CDKN1A: variants seen among roughly 807,000 people sequenced by gnomAD.
The protein encoded by CDKN1A is cyclin dependent kinase inhibitor 1A.
CDKN1A carries 14 observed loss-of-function variants against 14.8 expected under a neutral mutation model. The ratio of observed to expected loss-of-function variants is 0.94; its 90% confidence interval spans 0.62 to 1.48. The LOEUF is 1.48. Among genes scored for constraint, CDKN1A ranks in the 40% most tolerant of loss-of-function variants. The pLI is 0.00. For missense variants in CDKN1A, 203 were observed against 231.7 expected (o/e 0.88, Z 0.80); for synonymous variants, 92 against 93.5 (o/e 0.98, Z 0.09).
At chr6:36,681,321 T>TTTCCTTCC (rs1562038144) in intron 1 of CDKN1A, among the ~76,000 whole-genome samples, 2 of 129,022 alleles carry the variant, frequency 1.6e-5, no homozygotes, top group African/African-American at 5.8e-5. Context: ...TCTTTCTTTC[T>TTTCCTTCC]TTCTTTCTTT....
chr6:36,680,283 C>G (rs1398064707), intron 1 of CDKN1A, among the ~76,000 whole-genome samples: 1 of 138,038 alleles, frequency 7.2e-6, no homozygotes, highest in Non-Finnish European at 1.6e-5. Flanking sequence ...TCCCGGCGCG[C>G]GCGCGCGTGC....
At chr6:36,676,919 T>C (rs1463354886), upstream of CDKN1A, among the ~76,000 whole-genome samples, 1 of 152,166 alleles carries the variant, frequency 6.6e-6, no homozygotes, top group African/African-American at 2.4e-5. Context: ...AATTATTTCA[T>C]TGTGAAGCTC....
chr6:36,680,241 T>C (rs1451124184), intron 1 of CDKN1A, among the ~76,000 whole-genome samples: 1 of 151,870 alleles, frequency 6.6e-6, no homozygotes, highest in Non-Finnish European at 1.5e-5. Flanking sequence ...CATCCCGTGC[T>C]TTGGGCGTGG....
At chr6:36,679,667 C>T (rs1317884156) in intron 1 of CDKN1A, among the ~76,000 whole-genome samples, 2 of 152,160 alleles carry the variant, frequency 1.3e-5, no homozygotes, top group East Asian at 3.9e-4. Flanking sequence ...CTGTAGGGGT[C>T]GGGGAGTCAC....
rs1761954578 is a variant in CDKN1A, at chr6:36,681,313, T to TTTCTTTCTTTCTTTCC, written c.-6+2530_-6+2531insCTTCTTTCTTTCTTTC. ...CTTTCTTTCTTTCTTTCTTTCTTTC[T>TTTCTTTCTTTCTTTCC]TTCTTTCTTTCTTTCTTTCTTTTTC... On this transcript the variant is annotated intron_variant, in intron 1 of 2. Coordinates refer to ENST00000244741, the MANE Select transcript of CDKN1A (RefSeq NM_000389.5). 3.2e-5 allele frequency among the ~76,000 whole-genome samples: 4 copies of TTTCTTTCTTTCTTTCC among 126,136 alleles called. No individual in the cohort carries two copies. The Admixed American group carries it at 3.2e-4, about 10-fold the overall frequency. The allele number at this position is 126,136 out of a possible 152,430, so 82.8% of individuals were successfully genotyped here. A position where few individuals can be genotyped will look rare whatever the true frequency, so the allele number is the denominator to read the frequency against.
In CDKN1A at chr6:36,684,953, TC is replaced by T. The variant is rs1482725132; in HGVS notation, c.445+409del. Among the ~76,000 whole-genome samples, 1 of 152,176 alleles carries T rather than the reference TC, an allele frequency of 6.6e-6. No homozygotes were observed. Among genetic ancestry groups the T allele is most frequent in the African/African-American group, 2.4e-5 (1 of 41,428 alleles). On this transcript the variant is annotated intron_variant, in intron 2 of 2. Transcript: ENST00000244741. This position sits in a 1 kb window ranked among gnomAD's most constrained non-coding sequence, Gnocchi z 6.0. ...CTCAAGCGATCTTCCTACCTCAGCC[TC>T]CTGGGTAGCTGGGAAGCTGGGACTA...
chr6:36,684,660 G>A lies in CDKN1A; in HGVS notation c.445+114G>A. On this transcript the variant is annotated intron_variant, in intron 2 of 2. Transcript: ENST00000244741. The surrounding 1 kb of genome is among the most constrained non-coding windows in gnomAD (Gnocchi z 6.0). ...GCATGCTCCAGGTAGAAGGAAACAGGCCCAGAGAGGGGAAGCAACCTCCCT... is the reference window on the plus strand; with the variant it reads ...GCATGCTCCAGGTAGAAGGAAACAGACCCAGAGAGGGGAAGCAACCTCCCT... 1 of 1,070,596 alleles carries A rather than the reference G, an allele frequency of 9.3e-7. No homozygotes were observed. Among genetic ancestry groups the A allele is most frequent in the South Asian group, 1.3e-5 (1 of 75,502 alleles). The allele number at this position is 1,070,596 out of a possible 1,614,324, so 66.3% of individuals were successfully genotyped here.
intron 1 of CDKN1A, among the ~76,000 whole-genome samples, chr6:36,680,180 C>T (rs563733227): frequency 6.6e-6 from 1 of 152,146 alleles, no homozygotes; most frequent in South Asian, 2.1e-4. Context: ...GACTTGCGAG[C>T]GGTTTTGTTT....
upstream of CDKN1A, chr6:36,677,525 CA>C: frequency 4.0e-6 from 1 of 248,444 alleles, no homozygotes; most frequent in Non-Finnish European, 8.0e-6. Flanking sequence ...AGGTGAAGTC[CA>C]GGGGAGGTCA....
chr6:36,678,841 G>A lies in CDKN1A; in HGVS notation c.-6+43G>A. On this transcript the variant is annotated intron_variant, in intron 1 of 2. Transcript: ENST00000244741. The surrounding 1 kb of genome is among the most constrained non-coding windows in gnomAD (Gnocchi z 5.7). ...GACAACAGGGGACCCCGGGCCGGCG[G>A]CCCAGAGCCGAGCCAAGCGTGCCCG... is the stretch of plus-strand genomic sequence containing the variant. The A allele has an allele frequency of 1.0e-6, 1 of 985,750 alleles. No homozygotes were observed. Among genetic ancestry groups the A allele is most frequent in the Non-Finnish European group, 1.2e-6 (1 of 830,158 alleles). 61.1% of individuals were successfully genotyped at this position (985,750 alleles called of 1,614,324 possible). A position where few individuals can be genotyped will look rare whatever the true frequency, so the allele number is the denominator to read the frequency against.
upstream of CDKN1A, chr6:36,677,928 G>C: frequency 7.5e-7 from 1 of 1,329,468 alleles, no homozygotes; most frequent in Non-Finnish European, 9.9e-7. Flanking sequence ...GATTTCTTCT[G>C]TTCAGGTGAG....
chr6:36,684,494 AGGTGGACCT>A lies in CDKN1A; in HGVS notation c.396_404del (p.Gly133_Gly135del). 1 of 1,614,198 alleles carries A rather than the reference AGGTGGACCT, an allele frequency of 6.2e-7. No individual in the cohort carries two copies. The highest frequency in any genetic ancestry group is 8.5e-7 in the Non-Finnish European group (1 of 1,180,020). On this transcript the variant is annotated inframe_deletion, in exon 2 of 3. Coordinates refer to ENST00000244741, the MANE Select transcript of CDKN1A (RefSeq NM_000389.5). The surrounding 1 kb of genome is among the most constrained non-coding windows in gnomAD (Gnocchi z 6.0). ...CAGGGGAGCAGGCTGAAGGGTCCCCAGGTGGACCTGGAGACTCTCAGGGTCGAAAACGGC... is the reference window on the plus strand; with the variant it reads ...CAGGGGAGCAGGCTGAAGGGTCCCCAGGAGACTCTCAGGGTCGAAAACGGC...
At chr6:36,682,304 A>G (rs1379981319) in intron 1 of CDKN1A, among the ~76,000 whole-genome samples, 2 of 152,262 alleles carry the variant, frequency 1.3e-5, no homozygotes, top group African/African-American at 2.4e-5. Context: ...CAGCCCCCAA[A>G]CATAAAAATA....
rs1424226774 is a variant in CDKN1A, at chr6:36,684,921, T to A, written c.445+375T>A. Among the ~76,000 whole-genome samples the A allele has an allele frequency of 6.6e-6, 1 of 152,168 alleles. No individual in the cohort carries two copies. The highest frequency in any genetic ancestry group is 1.9e-4 in the East Asian group (1 of 5,202). ...ATCATGGCTCACTGCAGCTTCAAAC[T>A]CCTGGGCTCAAGCGATCTTCCTACC... On this transcript the variant is annotated intron_variant, in intron 2 of 2. Transcript: ENST00000244741. This position sits in a 1 kb window ranked among gnomAD's most constrained non-coding sequence, Gnocchi z 6.0.
intron 1 of CDKN1A, among the ~76,000 whole-genome samples, chr6:36,680,299 T>C (rs1761876532): frequency 7.2e-6 from 1 of 138,864 alleles, no homozygotes; most frequent in Non-Finnish European, 1.6e-5. Flanking sequence ...CGTGCGTGTC[T>C]GCGCGGGCGT....
At chr6:36,681,353 T>TC (rs1761972127) in intron 1 of CDKN1A, among the ~76,000 whole-genome samples, 2 of 90,834 alleles carry the variant, frequency 2.2e-5, no homozygotes, top group South Asian at 8.2e-4. Context: ...TTTCTTTCTT[T>TC]TTCTTTCTTT....
rs1178582184 is a variant in CDKN1A at position 36,686,849 on chromosome 6, G to T, written c.*1049G>T. The stretch of plus-strand genomic sequence containing the variant: ...TGAGTGGGGTTATCTCTGTGTTAGG[G>T]GTATATGATGGGGGAGTAGATCTTT... On this transcript the variant is annotated 3_prime_UTR_variant, in exon 3 of 3. Transcript: ENST00000244741. The surrounding 1 kb of genome is among the most constrained non-coding windows in gnomAD (Gnocchi z 4.9). The T allele has an allele frequency of 4.3e-6, 1 of 233,640 alleles. No individual in the cohort carries two copies. The highest frequency in any genetic ancestry group is 6.0e-5 in the East Asian group (1 of 16,606). The allele number at this position is 233,640 out of a possible 1,614,324, so 14.5% of individuals were successfully genotyped here.
upstream of CDKN1A, chr6:36,678,704 T>C: frequency 1.0e-6 from 1 of 985,450 alleles, no homozygotes; most frequent in Non-Finnish European, 1.2e-6. The surrounding 1 kb of genome is among the most constrained non-coding windows in gnomAD (Gnocchi z 5.7). Flanking sequence ...CGCGCTGAGC[T>C]GCGCCAGCTG....
intron 2 of CDKN1A, 91 bp from the exon 3 acceptor site, chr6:36,685,660 G>A: frequency 3.0e-6 from 4 of 1,331,432 alleles, no homozygotes; most frequent in Non-Finnish European, 4.3e-6. Context: ...CCAGGGAAGG[G>A]TGTCCTGGCC....
Sources: gnomAD v4.1 joint callset for allele counts (sites outside exome capture counted in the v4.1 genomes callset) on GRCh38, gnomAD v4.1.1 for gene constraint, Gnocchi (gnomAD v3.1) non-coding constraint, MANE v1.5 for transcripts, NCBI Gene and HGNC (gene_info 2026-07-23, HGNC 2026-07-21) for gene names.